The following CDC37L1 variants were observed in gnomAD, a reference collection of about 807,000 sequenced individuals.
The protein encoded by CDC37L1 is hsp90 co-chaperone Cdc37-like 1.
A neutral mutation model predicts 45.9 loss-of-function variants in CDC37L1; 32 were observed. The ratio of observed to expected loss-of-function variants is 0.70; its 90% CI spans 0.53 to 0.94. The LOEUF is 0.94. Ranked by LOEUF, CDC37L1 falls within the 40% of genes least tolerant of loss-of-function variation. The pLI, the probability that CDC37L1 is intolerant of heterozygous loss-of-function variation, is 0.00. For missense variants in CDC37L1, 434 were observed against 405.7 expected, an observed-to-expected ratio of 1.07 and a Z score of -0.60; for synonymous variants, 150 against 133.0, an observed-to-expected ratio of 1.13 and a Z score of -0.88.
intron 6 of CDC37L1, chr9:4,702,945 C>T: frequency 3.5e-6 from 1 of 284,602 alleles, no homozygotes; most frequent in Non-Finnish European, 5.9e-6. Flanking sequence ...AAAAAATTTA[C>T]ATCAAAAAGG....
chr9:4,697,079 A>C lies in CDC37L1; in HGVS notation c.509-17A>C, dbSNP rs373184488. ...AGAAAATATTTGACACTTATGGTTC[A>C]ATTCTTTTTTTTACAGGTATGTTGA... On this transcript the variant is annotated splice_polypyrimidine_tract_variant and intron_variant, in intron 3 of 6. Transcript: ENST00000381854. 1 of 1,092,066 alleles carries C rather than the reference A, an allele frequency of 9.2e-7. No homozygotes were observed. 67.6% of individuals were successfully genotyped at this position (1,092,066 alleles called of 1,614,324 possible).
rs1841272447 is a variant in CDC37L1, at chr9:4,688,569, A to C, written c.471A>C (p.Ser157=). 6.6e-7 allele frequency: 1 copy of C among 1,526,174 alleles called. No homozygotes were observed. The highest frequency in any genetic ancestry group is 1.4e-5 in the African/African-American group (1 of 71,040). 94.5% of individuals were successfully genotyped at this position (1,526,174 alleles called of 1,614,324 possible). A position where few individuals can be genotyped will look rare whatever the true frequency, so the allele number is the denominator to read the frequency against. Residue 157 remains serine, a synonymous_variant, in exon 3 of 7, where the codon TCA becomes TCC. Transcript: ENST00000381854. ...CAGAAGATGAAGATAAATCAGAATC[A>C]TTTATGCAAAAATATGAGCAAAAAA... ...KDTEDEDKSE[S]FMQKYEQKIR...
chr9:4,705,964 T>C (rs762236828), intron 6 of CDC37L1, 47 bp from the exon 7 acceptor site: 3 of 882,042 alleles, frequency 3.4e-6, no homozygotes, highest in South Asian at 2.7e-5. Context: ...AAACTGGTTA[T>C]AATGCGTTCT....
At chr9:4,686,137 C>G (rs1342199578) in intron 2 of CDC37L1, among the ~76,000 whole-genome samples, 1 of 152,228 alleles carries the variant, frequency 6.6e-6, no homozygotes, top group African/African-American at 2.4e-5. Context: ...TGCCACTACA[C>G]TCCAGCCTGG....
At chr9:4,698,608 A>T (rs1389745486) in intron 5 of CDC37L1, among the ~76,000 whole-genome samples, 1 of 152,014 alleles carries the variant, frequency 6.6e-6, no homozygotes, top group Non-Finnish European at 1.5e-5. Context: ...CACTTTAAAA[A>T]ATTTCCTAGT....
intron 6 of CDC37L1, among the ~76,000 whole-genome samples, chr9:4,703,473 G>T (rs1841418255): frequency 1.3e-5 from 2 of 151,918 alleles, no homozygotes; most frequent in Admixed American, 1.3e-4. Context: ...AATTCCTACA[G>T]ATTATCTCTT....
At chr9:4,704,407 A>T (rs997082220) in intron 6 of CDC37L1, among the ~76,000 whole-genome samples, 1 of 152,234 alleles carries the variant, frequency 6.6e-6, no homozygotes, top group African/African-American at 2.4e-5. Flanking sequence ...GGGACAGTCA[A>T]TGAAATCTAA....
Position 4,702,037 on chromosome 9 carries a change from G to A in CDC37L1, c.912+9G>A. 7.6e-7 allele frequency: 1 copy of A among 1,322,882 alleles called. No homozygotes were observed. The allele number at this position is 1,322,882 out of a possible 1,614,324, so 81.9% of individuals were successfully genotyped here. On this transcript the variant is annotated intron_variant, in intron 6 of 6. Coordinates refer to ENST00000381854, the MANE Select transcript of CDC37L1 (RefSeq NM_017913.4). ...TAGAATCCTTACCACAGGTAAGTTG[G>A]AAAAGTAAATATTTGTTTTATAAGC...
At chr9:4,687,006 T>G (rs1841253299) in intron 2 of CDC37L1, among the ~76,000 whole-genome samples, 1 of 152,268 alleles carries the variant, frequency 6.6e-6, no homozygotes, top group African/African-American at 2.4e-5. Flanking sequence ...TCTTTTTGCT[T>G]TTTAACGTGG....
intron 6 of CDC37L1, among the ~76,000 whole-genome samples, chr9:4,702,617 C>T (rs947247125): frequency 1.3e-5 from 2 of 151,992 alleles, no homozygotes; most frequent in Admixed American, 6.6e-5. Context: ...CGCAGTGGCT[C>T]GCGCCTGTAA....
intron 1 of CDC37L1, 111 bp from the exon 2 acceptor site, chr9:4,684,766 T>C: frequency 1.4e-6 from 1 of 714,390 alleles, no homozygotes; most frequent in East Asian, 2.7e-5. Context: ...ACACAGGATA[T>C]ACTATATACC....
In CDC37L1 at chr9:4,706,341, G is replaced by C. The variant is rs1841441693; in HGVS notation, c.*229G>C. ...CCATATGTTGCAGGAAGTCAAACTG[G>C]ACTTTTTGTGGCTACTAAATTTGCT... On this transcript the variant is annotated 3_prime_UTR_variant, in exon 7 of 7. Transcript: ENST00000381854. 1 of 295,996 alleles carries C rather than the reference G, an allele frequency of 3.4e-6. No homozygotes were observed. The highest frequency in any genetic ancestry group is 2.2e-5 in the African/African-American group (1 of 46,400). 18.3% of individuals were successfully genotyped at this position (295,996 alleles called of 1,614,324 possible).
chr9:4,686,834 C>T (rs554174803), intron 2 of CDC37L1, among the ~76,000 whole-genome samples: 63 of 152,164 alleles, frequency 4.1e-4, no homozygotes, highest in African/African-American at 1.4e-3. Context: ...GTGGCTAGTC[C>T]GAATTGAGAT....
intron 6 of CDC37L1, among the ~76,000 whole-genome samples, chr9:4,702,593 C>T (rs1305270694): frequency 6.6e-6 from 1 of 152,024 alleles, no homozygotes; most frequent in Non-Finnish European, 1.5e-5. Flanking sequence ...CAAGATAAAA[C>T]CATGTCGGCT....
intron 2 of CDC37L1, among the ~76,000 whole-genome samples, chr9:4,686,798 C>A (rs919954798): frequency 1.3e-5 from 2 of 152,136 alleles, no homozygotes; most frequent in African/African-American, 4.8e-5. Flanking sequence ...AGCCACTAGC[C>A]ACATGTGCTA....
intron 1 of CDC37L1, among the ~76,000 whole-genome samples, chr9:4,681,665 A>G (rs1353904300): frequency 1.3e-5 from 2 of 152,126 alleles, no homozygotes; most frequent in Non-Finnish European, 2.9e-5. Context: ...TTGCAAACTG[A>G]TTATTAATTC....
At chr9:4,703,535 C>T (rs1841418667) in intron 6 of CDC37L1, among the ~76,000 whole-genome samples, 1 of 152,044 alleles carries the variant, frequency 6.6e-6, no homozygotes. Flanking sequence ...TAAGAAATAG[C>T]CCATAGGGAA....
intron 1 of CDC37L1, among the ~76,000 whole-genome samples, chr9:4,684,450 T>C (rs570581015): frequency 6.6e-6 from 1 of 152,314 alleles, no homozygotes; most frequent in South Asian, 2.1e-4. Context: ...TACTTCTAGA[T>C]AAAAGGAGGT....
intron 1 of CDC37L1, among the ~76,000 whole-genome samples, chr9:4,682,047 T>G (rs1184393301): frequency 6.6e-6 from 1 of 152,180 alleles, no homozygotes. Context: ...TACATTATTT[T>G]TAGAATTTTT....
Sources: allele counts gnomAD v4.1 joint callset (sites outside exome capture counted in the v4.1 genomes callset), GRCh38; gene constraint gnomAD v4.1.1; transcripts MANE v1.5; gene names NCBI Gene and HGNC (gene_info 2026-07-23, HGNC 2026-07-21).